DOCK11: variants seen among roughly 807,000 people sequenced by gnomAD.
DOCK11 encodes dedicator of cytokinesis 11.
Under a neutral mutation model 169.1 loss-of-function variants are expected in DOCK11, and 70 were observed. The ratio of observed to expected loss-of-function variants is 0.41; its 90% confidence interval spans 0.34 to 0.51. DOCK11 has a LOEUF of 0.51. Among genes scored for constraint, DOCK11 ranks in the 20% least tolerant of loss-of-function variants. The pLI, the probability that DOCK11 is intolerant of heterozygous loss-of-function variation, is 0.10. For missense variants in DOCK11, 1,166 were observed against 1,538.8 expected (o/e 0.76, Z 4.05); for synonymous variants, 529 against 541.3 (o/e 0.98, Z 0.32).
At position 118,643,474 on chromosome X, in the gene DOCK11, T is replaced by C; in HGVS notation, c.4278T>C (p.Asn1426=). The change falls in exon 40 of 53, where the codon AAT becomes AAC. Residue 1426 remains asparagine (N), a synonymous_variant. Transcript: ENST00000276202. ...TTTTATAGACCCAACTTTTAAATAA[T>C]GATGGCCATAACCCATTAATGAAAA... The part of the protein sequence containing the change: ...TQCFKTQLLN[N]DGHNPLMKKV... 1 of 1,208,156 alleles carries C rather than the reference T, an allele frequency of 8.3e-7. No homozygotes were observed. The highest frequency in any genetic ancestry group is 1.1e-6 in the Non-Finnish European group (1 of 893,664).
At position 118,584,948 on chromosome X, in the gene DOCK11, C is replaced by T. The variant is rs184701223; in HGVS notation, c.1718+91C>T. 1.3e-5 allele frequency: 15 copies of T among 1,144,203 alleles called. No homozygotes were observed. The African/African-American group carries it at 2.7e-4, about 21-fold the overall frequency. The allele number at this position is 1,144,203 out of a possible 1,213,427, so 94.3% of individuals were successfully genotyped here. ...GAATGTGAGTCATATATGGGAAAAA[C>T]AGAATGATTAAAATTGTAAGTTTGG... is the stretch of plus-strand genomic sequence containing the variant. On this transcript the variant is annotated intron_variant, in intron 15 of 52. Transcript: ENST00000276202.
At chrX:118,557,786 AAAAAG>A (rs2012760201) in intron 6 of DOCK11, among the ~76,000 whole-genome samples, 1 of 104,035 alleles carries the variant, frequency 9.6e-6, no homozygotes, top group African/African-American at 3.6e-5. Flanking sequence ...AAAAAAAAAA[AAAAAG>A]AGAAGAAATA....
At chrX:118,683,299 T>G in intron 52 of DOCK11, 82 bp downstream of exon 52, 2 of 1,029,976 alleles carry the variant, frequency 1.9e-6, no homozygotes, top group Non-Finnish European at 2.6e-6. Context: ...TGGTTCAAAA[T>G]GCACAACCTT....
At chrX:118,648,526 A>AAT (rs2015856801) in intron 40 of DOCK11, among the ~76,000 whole-genome samples, 1 of 93,893 alleles carries the variant, frequency 1.1e-5, no homozygotes. Context: ...TGTAATATAT[A>AAT]TATATTTATA....
chrX:118,638,230 A>T, intron 37 of DOCK11, 103 bp downstream of exon 37: 1 of 720,698 alleles, frequency 1.4e-6, no homozygotes, highest in South Asian at 2.4e-5. Context: ...TTGAGTTAAC[A>T]TTGGGATACC....
intron 12 of DOCK11, among the ~76,000 whole-genome samples, chrX:118,576,567 C>T (rs2013454548): frequency 8.9e-6 from 1 of 111,799 alleles, no homozygotes; most frequent in African/African-American, 3.3e-5. Flanking sequence ...TACCTGTCTC[C>T]AAGGGCTGTG....
chrX:118,664,651 G>GA (rs753703146), intron 45 of DOCK11, among the ~76,000 whole-genome samples: 18 of 101,961 alleles, frequency 1.8e-4, no homozygotes, highest in Admixed American at 7.4e-4. Context: ...TCTCAAAAAA[G>GA]AAAAAAAAAA....
Position 118,620,442 on chromosome X carries a change from T to G in DOCK11, c.3471+1714T>G, listed in dbSNP as rs182141491. Among the ~76,000 whole-genome samples, 371 of 112,168 alleles carry G rather than the reference T, an allele frequency of 3.3e-3. 4 individuals are homozygous for G. The highest frequency in any genetic ancestry group is 0.022 in the Admixed American group (232 of 10,523). On this transcript the variant is annotated intron_variant, in intron 31 of 52. Transcript: ENST00000276202. ...CCAGTGACATCTGCTCACATTCCTT[T>G]AATTACAGTGATTTTCATACATGTA...
At chrX:118,546,977 G>A (rs1331454295) in intron 6 of DOCK11, among the ~76,000 whole-genome samples, 1 of 110,580 alleles carries the variant, frequency 9.0e-6, no homozygotes, top group African/African-American at 3.3e-5. Flanking sequence ...GCAACAGAGG[G>A]AGAGTGTATC....
chrX:118,510,993 G>A (rs1011556794), intron 1 of DOCK11, among the ~76,000 whole-genome samples: 1 of 112,288 alleles, frequency 8.9e-6, no homozygotes, highest in Non-Finnish European at 1.9e-5. Context: ...GATAACATTT[G>A]CATCAGCCCT....
chrX:118,652,615 C>A (rs772002248), intron 42 of DOCK11, among the ~76,000 whole-genome samples: 1 of 111,785 alleles, frequency 8.9e-6, no homozygotes, highest in African/African-American at 3.2e-5. Context: ...TTTGCTGAGG[C>A]CAAACCCAAG....
intron 11 of DOCK11, 53 bp from the exon 12 acceptor site, chrX:118,573,753 G>A (rs1448830043): frequency 4.7e-6 from 5 of 1,054,804 alleles, no homozygotes; most frequent in South Asian, 2.2e-5. Context: ...GCCCCTCCCC[G>A]CCATGCCCCC....
At chrX:118,609,173 A>G (rs1248296748) in intron 26 of DOCK11, 105 bp from the exon 27 acceptor site, 21 of 561,880 alleles carry the variant, frequency 3.7e-5, no homozygotes, top group Non-Finnish European at 5.5e-5. Context: ...GGATCACTTG[A>G]AAATGTTAGT....
At chrX:118,579,803 C>T (rs1220414515) in intron 13 of DOCK11, among the ~76,000 whole-genome samples, 1 of 111,787 alleles carries the variant, frequency 8.9e-6, no homozygotes, top group Non-Finnish European at 1.9e-5. Flanking sequence ...ATGTTAAAAC[C>T]ACTGAACATT....
chrX:118,586,658 G>A (rs2013826538), intron 16 of DOCK11, among the ~76,000 whole-genome samples: 2 of 111,749 alleles, frequency 1.8e-5, no homozygotes, highest in African/African-American at 6.5e-5. Context: ...AACTGAAGAG[G>A]GAGAAAGAGA....
chrX:118,659,450 T>C (rs181316166), intron 44 of DOCK11, among the ~76,000 whole-genome samples: 1 of 112,204 alleles, frequency 8.9e-6, no homozygotes, highest in East Asian at 2.8e-4. Flanking sequence ...CATTGGCCAA[T>C]TCTAGACTCA....
intron 1 of DOCK11, among the ~76,000 whole-genome samples, chrX:118,526,202 A>G (rs1293352181): frequency 8.9e-6 from 1 of 112,091 alleles, no homozygotes; most frequent in Non-Finnish European, 1.9e-5. Context: ...TATGAAAGAT[A>G]TGAGCCAGGG....
chrX:118,499,512 G>A (rs974751684), intron 1 of DOCK11, among the ~76,000 whole-genome samples: 3 of 111,916 alleles, frequency 2.7e-5, no homozygotes, highest in Admixed American at 9.5e-5. Flanking sequence ...GTCTGCAGCT[G>A]TTGACTCCCC....
At chrX:118,546,601 C>T (rs181516031) in intron 6 of DOCK11, among the ~76,000 whole-genome samples, 130 of 111,994 alleles carry the variant, frequency 1.2e-3, no homozygotes, top group Middle Eastern at 9.3e-3. Flanking sequence ...TCCTTTAGTG[C>T]AGTGAGAACA....
Sources: allele counts gnomAD v4.1 joint callset (sites outside exome capture counted in the v4.1 genomes callset), GRCh38; gene constraint gnomAD v4.1.1; transcripts MANE v1.5; gene names NCBI Gene and HGNC (gene_info 2026-07-23, HGNC 2026-07-21).